The following PERP variants were observed in gnomAD, a reference collection of about 807,000 sequenced individuals.
PERP encodes p53 apoptosis effector related to PMP-22.
PERP carries 11 observed loss-of-function variants against 20.3 expected under a neutral mutation model. The observed-to-expected ratio is 0.54, with a 90% CI of 0.34 to 0.90. The LOEUF (loss-of-function observed/expected upper bound fraction) is 0.90, where lower values mean the gene tolerates loss of function less well. Among genes scored for constraint, PERP ranks in the 40% least tolerant of loss-of-function variants. The pLI is 0.02. For synonymous variants in PERP, 101 were observed against 102.0 expected, an observed-to-expected ratio of 0.99 and a Z score of 0.06; for missense variants, 224 against 249.4, an observed-to-expected ratio of 0.90 and a Z score of 0.69.
At position 138,098,933 on chromosome 6, in the gene PERP, T is replaced by A. The variant is rs138281505; in HGVS notation, c.215-2439A>T. Among the ~76,000 whole-genome samples, 2 of 152,304 alleles carry A rather than the reference T, an allele frequency of 1.3e-5. 1 individual carries two copies. The highest frequency in any genetic ancestry group is 3.9e-4 in the East Asian group (2 of 5,188). ...AGGTTAAAATGGGAATGTTTTATTT[T>A]AAAATAGAAAGGAATAAAGCCAAAA... On this transcript the variant is annotated intron_variant, in intron 1 of 2. Transcript: ENST00000421351.
chr6:138,092,508 C>G (rs1775605439), intron 2 of PERP, among the ~76,000 whole-genome samples: 4 of 151,948 alleles, frequency 2.6e-5, no homozygotes. Flanking sequence ...GAAAAACACA[C>G]AAAAAAATCA....
At chr6:138,101,594 A>G (rs1322608598) in intron 1 of PERP, among the ~76,000 whole-genome samples, 2 of 152,186 alleles carry the variant, frequency 1.3e-5, no homozygotes, top group Admixed American at 6.5e-5. Flanking sequence ...ACCCAACCAG[A>G]GTCCAGTCCC....
Position 138,091,815 on chromosome 6 carries a change from T to C in PERP, c.*227A>G. On this transcript the variant is annotated 3_prime_UTR_variant, in exon 3 of 3. Transcript: ENST00000421351. ...TAGATATAAGGAAATATTGGCATAG[T>C]ATAGGTAATTAGTGAAAAGACACAA... The C allele has an allele frequency of 4.2e-6, 2 of 478,278 alleles. No individual in the cohort carries two copies. Among genetic ancestry groups the C allele is most frequent in the Non-Finnish European group, 7.5e-6 (2 of 267,142 alleles). 29.6% of individuals were successfully genotyped at this position (478,278 alleles called of 1,614,324 possible).
intron 1 of PERP, among the ~76,000 whole-genome samples, chr6:138,102,876 G>A (rs986602756): frequency 6.6e-6 from 1 of 151,992 alleles, no homozygotes; most frequent in South Asian, 2.1e-4. Flanking sequence ...GAGGTGGGCG[G>A]ATCACGAGGT....
chr6:138,092,853 C>T (rs12214152), intron 2 of PERP, among the ~76,000 whole-genome samples: 9,057 of 151,428 alleles, frequency 0.06, 290 homozygotes, highest in South Asian at 0.098. Flanking sequence ...GCAGAGGACG[C>T]GGAAATCTGA....
intron 1 of PERP, among the ~76,000 whole-genome samples, chr6:138,102,248 C>T (rs1486855036): frequency 6.6e-6 from 1 of 151,988 alleles, no homozygotes; most frequent in East Asian, 1.9e-4. Flanking sequence ...ATCTAATCAA[C>T]GAGGGGAGAA....
At chr6:138,095,785 T>C (rs1775678495) in intron 2 of PERP, among the ~76,000 whole-genome samples, 1 of 151,934 alleles carries the variant, frequency 6.6e-6, no homozygotes, top group African/African-American at 2.4e-5. Context: ...CACTGGGCCC[T>C]GCACACCTGA....
chr6:138,096,133 T>C (rs1775686725), intron 2 of PERP, among the ~76,000 whole-genome samples: 1 of 152,098 alleles, frequency 6.6e-6, no homozygotes, highest in Admixed American at 6.5e-5. Flanking sequence ...TGACAATCCC[T>C]GTCACTCGGA....
At chr6:138,103,583 A>C (rs1288481718) in intron 1 of PERP, among the ~76,000 whole-genome samples, 1 of 152,098 alleles carries the variant, frequency 6.6e-6, no homozygotes, top group Admixed American at 6.5e-5. Flanking sequence ...CAAGGAAGAA[A>C]ATTTTCCTTG....
At position 138,092,193 on chromosome 6, in the gene PERP, G is replaced by C; in HGVS notation, c.431C>G (p.Ala144Gly). The change falls in exon 3 of 3, where the codon GCT (alanine) becomes GGT (glycine). Residue 144 changes from alanine to glycine, a missense_variant. By Grantham distance (60) the Ala-to-Gly change is moderately conservative. Coordinates refer to ENST00000421351, the MANE Select transcript of PERP (RefSeq NM_022121.5). ...TQTFTLHANP[A>G]VTYIYNWAYG... The stretch of plus-strand genomic sequence containing the variant: ...GGCCCAGTTATAGATGTAAGTGACA[G>C]CAGGGTTGGCATGAAGGGTGAAGGT... 1 of 1,614,142 alleles carries C rather than the reference G, an allele frequency of 6.2e-7. No homozygotes were observed. Among genetic ancestry groups the C allele is most frequent in the East Asian group, 2.2e-5 (1 of 44,888 alleles).
At position 138,091,195 on chromosome 6, in the gene PERP, T is replaced by C. The variant is rs1183257223; in HGVS notation, c.*847A>G. ...GTGACAAGAATGACCCTCCTAATGC[T>C]TTACTACACAACTTAACCAGATCTA... On this transcript the variant is annotated 3_prime_UTR_variant, in exon 3 of 3. Coordinates refer to ENST00000421351, the MANE Select transcript of PERP (RefSeq NM_022121.5). 11 of 152,304 alleles carry C rather than the reference T, an allele frequency of 7.2e-5. No individual in the cohort carries two copies. Among genetic ancestry groups the C allele is most frequent in the Admixed American group, 6.5e-4 (10 of 15,298 alleles). 9.4% of individuals were successfully genotyped at this position (152,304 alleles called of 1,614,324 possible). A position where few individuals can be genotyped will look rare whatever the true frequency, so the allele number is the denominator to read the frequency against.
rs1327815311 is a variant in PERP, at chr6:138,089,719, G to A, written c.*2323C>T. 6.6e-6 allele frequency: 1 copy of A among 152,102 alleles called. No individual in the cohort carries two copies. The highest frequency in any genetic ancestry group is 1.5e-5 in the Non-Finnish European group (1 of 68,016). 9.4% of individuals were successfully genotyped at this position (152,102 alleles called of 1,614,324 possible). ...AAAGGTATCTGTCTTGGTGAATCTG[G>A]ATCAACAAGGAATGGCAGATCTCTA... On this transcript the variant is annotated 3_prime_UTR_variant, in exon 3 of 3. Transcript: ENST00000421351.
At chr6:138,102,328 T>C (rs145631347) in intron 1 of PERP, among the ~76,000 whole-genome samples, 123 of 152,234 alleles carry the variant, frequency 8.1e-4, no homozygotes, top group African/African-American at 2.6e-3. Flanking sequence ...GAATTTGGGG[T>C]CTACCCTCAA....
intron 1 of PERP, among the ~76,000 whole-genome samples, chr6:138,105,625 G>A (rs1775829932): frequency 6.6e-6 from 1 of 152,172 alleles, no homozygotes; most frequent in Non-Finnish European, 1.5e-5. Context: ...ACCAGTCAAA[G>A]GCACGCTAGT....
Position 138,089,727 on chromosome 6 carries a change from A to T in PERP, c.*2315T>A, listed in dbSNP as rs1448796000. 2.0e-5 allele frequency: 3 copies of T among 152,220 alleles called. No individual in the cohort carries two copies. The highest frequency in any genetic ancestry group is 4.4e-5 in the Non-Finnish European group (3 of 68,042). The allele number at this position is 152,220 out of a possible 1,614,324, so 9.4% of individuals were successfully genotyped here. On this transcript the variant is annotated 3_prime_UTR_variant, in exon 3 of 3. Transcript: ENST00000421351. ...CTGTCTTGGTGAATCTGGATCAACA[A>T]GGAATGGCAGATCTCTATACTAGAA...
chr6:138,107,395 C>T lies in PERP; in HGVS notation c.-55G>A. ...CGGAGCGGAGCGGGTCGGAGGAGCG[C>T]GCGGGACGGGCGACAGCAGAGAGTG... is the stretch of plus-strand genomic sequence containing the variant. On this transcript the variant is annotated 5_prime_UTR_variant, in exon 1 of 3. Transcript: ENST00000421351. The surrounding 1 kb of genome is among the most constrained non-coding windows in gnomAD (Gnocchi z 4.8). 1 of 1,386,746 alleles carries T rather than the reference C, an allele frequency of 7.2e-7. No individual in the cohort carries two copies. The highest frequency in any genetic ancestry group is 1.6e-5 in the South Asian group (1 of 62,264). 85.9% of individuals were successfully genotyped at this position (1,386,746 alleles called of 1,614,324 possible).
At chr6:138,095,566 G>A (rs112090771) in intron 2 of PERP, among the ~76,000 whole-genome samples, 2,824 of 152,214 alleles carry the variant, frequency 0.019, 83 homozygotes, top group African/African-American at 0.064. Context: ...AGCCTAAACT[G>A]GTAAGAAATG....
intron 1 of PERP, among the ~76,000 whole-genome samples, chr6:138,105,942 T>G (rs1286988531): frequency 6.6e-6 from 1 of 152,188 alleles, no homozygotes; most frequent in Non-Finnish European, 1.5e-5. Context: ...TGTTTACATT[T>G]TATTACCTGG....
Position 138,092,124 on chromosome 6 carries a change from G to A in PERP, c.500C>T (p.Ala167Val), listed in dbSNP as rs1432806797. Residue 167 changes from alanine (A) to valine (V), a missense_variant, in exon 3 of 3, where the codon GCC becomes GTC. Ala to Val is a moderately conservative substitution (Grantham distance 64). Transcript: ENST00000421351. ...GTTGGGGAGGCAGCAGAAGAAGAAG[G>A]CACAGCCAATCAGGATAATCGTGGC... ...WAATIILIGC[A>V]FFFCCLPNYE... 1 of 1,614,054 alleles carries A rather than the reference G, an allele frequency of 6.2e-7. No homozygotes were observed. The highest frequency in any genetic ancestry group is 1.7e-5 in the Admixed American group (1 of 59,978).
Sources: gnomAD v4.1 joint callset for allele counts (sites outside exome capture counted in the v4.1 genomes callset) on GRCh38, gnomAD v4.1.1 for gene constraint, Gnocchi (gnomAD v3.1) non-coding constraint, MANE v1.5 for transcripts, NCBI Gene and HGNC (gene_info 2026-07-23, HGNC 2026-07-21) for gene names.